NRAP: variants seen among roughly 807,000 people sequenced by gnomAD.
NRAP encodes nebulin related anchoring protein, also known as nebulin-related-anchoring protein.
In NRAP, 189 loss-of-function variants were observed where a neutral mutation model predicts 225.9. The ratio of observed to expected loss-of-function variants is 0.84; its 90% CI spans 0.74 to 0.94. The LOEUF is 0.94. NRAP is among the 40% of genes least tolerant of loss of function. NRAP has a pLI of 0.00. For missense variants in NRAP, 2,176 were observed against 2,168.7 expected, an observed-to-expected ratio of 1.00 and a Z score of -0.07; for synonymous variants, 769 against 790.7, an observed-to-expected ratio of 0.97 and a Z score of 0.46.
At position 113,588,950 on chromosome 10, in the gene NRAP, T is replaced by C; in HGVS notation, c.*25A>G. 1 of 1,566,780 alleles carries C rather than the reference T, an allele frequency of 6.4e-7. No individual in the cohort carries two copies. Among genetic ancestry groups the C allele is most frequent in the East Asian group, 2.3e-5 (1 of 44,318 alleles). ...TGGTGAACAAACTTCCTCTCTGGCCTCTCAGGAATCAGGGTGGACATGGCT... is the reference window on the plus strand; with the variant it reads ...TGGTGAACAAACTTCCTCTCTGGCCCCTCAGGAATCAGGGTGGACATGGCT... On this transcript the variant is annotated 3_prime_UTR_variant, in exon 42 of 42. Transcript: ENST00000359988.
intron 5 of NRAP, 90 bp from the exon 6 acceptor site, chr10:113,653,129 C>A: frequency 1.4e-6 from 1 of 698,096 alleles, no homozygotes; most frequent in Non-Finnish European, 2.4e-6. Flanking sequence ...AAACTAGATT[C>A]ATAAAGTTCT....
Position 113,654,133 on chromosome 10 carries a change from G to C in NRAP, c.361-8C>G, listed in dbSNP as rs1473792799. 1 of 1,551,898 alleles carries C rather than the reference G, an allele frequency of 6.4e-7. No homozygotes were observed. Among genetic ancestry groups the C allele is most frequent in the Admixed American group, 1.7e-5 (1 of 59,914 alleles). The stretch of plus-strand genomic sequence containing the variant: ...TCCAGTCCAATAGGCTCTCTACAAA[G>C]GAAGCACATGAAGGGATACAAACAC... On this transcript the variant is annotated splice_region_variant and splice_polypyrimidine_tract_variant and intron_variant, in intron 4 of 41. Coordinates refer to ENST00000359988, the MANE Select transcript of NRAP (RefSeq NM_198060.4).
intron 14 of NRAP, among the ~76,000 whole-genome samples, chr10:113,637,281 T>A (rs1460670015): frequency 6.6e-6 from 1 of 152,146 alleles, no homozygotes; most frequent in African/African-American, 2.4e-5. Flanking sequence ...TATCCCTACC[T>A]TACAATGTGG....
chr10:113,663,343 A>G lies in NRAP; in HGVS notation c.167+9T>C, dbSNP rs1174447535. The G allele has an allele frequency of 6.4e-7, 1 of 1,565,586 alleles. No homozygotes were observed. The highest frequency in any genetic ancestry group is 8.8e-7 in the Non-Finnish European group (1 of 1,135,822). On this transcript the variant is annotated intron_variant, in intron 2 of 41. Coordinates refer to ENST00000359988, the MANE Select transcript of NRAP (RefSeq NM_198060.4). ...TCAAGAGGTAGTGGTGGGGGCATCA[A>G]ACACTTACGCGTGACAGTACGGCTT... is the stretch of plus-strand genomic sequence containing the variant.
chr10:113,653,315 G>T (rs558533506), intron 5 of NRAP, among the ~76,000 whole-genome samples: 84 of 152,230 alleles, frequency 5.5e-4, no homozygotes, highest in South Asian at 1.2e-3. Flanking sequence ...TGGCTCTAAG[G>T]CCTGTAGGTA....
intron 19 of NRAP, 147 bp downstream of exon 19, chr10:113,629,441 G>T: frequency 1.6e-6 from 1 of 632,848 alleles, no homozygotes. Flanking sequence ...CTCCCCATCT[G>T]CCCTTTCTGG....
chr10:113,628,937 C>A lies in NRAP; in HGVS notation c.2125G>T (p.Ala709Ser), dbSNP rs1426381589. The change falls in exon 20 of 42, where the codon GCT (alanine) becomes TCT (serine). Residue 709 changes from alanine to serine, a missense_variant. By Grantham distance (99) the Ala-to-Ser change is moderately conservative. Around this residue, in one of 3 missense-constraint regions of NRAP, gnomAD observed 1,708 missense variants for 1,695.5 expected, o/e 1.01. Transcript: ENST00000359988. Reference sequence around the variant, plus strand: ...GTTACCTCGCTGACCAGCTGTCCAGCCTTCTTGGCTTGTTCCAAGTTGAGA... The same window carrying A: ...GTTACCTCGCTGACCAGCTGTCCAGACTTCTTGGCTTGTTCCAAGTTGAGA... ...GSLNLEQAKK[A>S]GQLVSEKNYR... is the part of the protein sequence containing the mutation. The A allele has an allele frequency of 1.9e-6, 3 of 1,609,960 alleles. No homozygotes were observed. Among genetic ancestry groups the A allele is most frequent in the African/African-American group, 2.7e-5 (2 of 74,812 alleles).
chr10:113,657,649 A>C, intron 3 of NRAP, 75 bp from the exon 4 acceptor site: 1 of 878,750 alleles, frequency 1.1e-6, no homozygotes, highest in Non-Finnish European at 1.9e-6. Context: ...ATTCCTAGCT[A>C]AAATTGGGGG....
At chr10:113,637,006 C>CAA (rs59937257) in intron 14 of NRAP, among the ~76,000 whole-genome samples, 6 of 89,258 alleles carry the variant, frequency 6.7e-5, no homozygotes, top group African/African-American at 2.6e-4. Flanking sequence ...GACTTCATCT[C>CAA]AAAAAAAAAA....
chr10:113,614,973 G>C (rs369337076), intron 27 of NRAP, 27 bp from the exon 28 acceptor site: 1 of 1,336,624 alleles, frequency 7.5e-7, no homozygotes, highest in Non-Finnish European at 1.1e-6. Flanking sequence ...CACAAGGAAA[G>C]ACCTTTAAGT....
At chr10:113,655,456 T>C (rs116244444) in intron 4 of NRAP, among the ~76,000 whole-genome samples, 25,080 of 150,176 alleles carry the variant, frequency 0.17, 2,558 homozygotes, top group African/African-American at 0.26. Flanking sequence ...ACATCCATTT[T>C]TTTTTTTTTT....
At chr10:113,637,935 A>G (rs917892179) in intron 14 of NRAP, among the ~76,000 whole-genome samples, 3 of 152,194 alleles carry the variant, frequency 2.0e-5, no homozygotes, top group Non-Finnish European at 2.9e-5. Flanking sequence ...AAAAAAAAAA[A>G]AATCATTTTG....
chr10:113,647,389 T>G (rs149340682), intron 9 of NRAP, among the ~76,000 whole-genome samples: 1 of 152,022 alleles, frequency 6.6e-6, no homozygotes, highest in East Asian at 1.9e-4. Context: ...TCTCGAACAC[T>G]ACCTTACTCA....
chr10:113,595,600 C>T, intron 38 of NRAP, 23 bp downstream of exon 38: 1 of 1,471,184 alleles, frequency 6.8e-7, no homozygotes, highest in Non-Finnish European at 9.5e-7. Flanking sequence ...GGCACACGTT[C>T]CATGAACCAC....
At chr10:113,589,219 C>A in intron 41 of NRAP, 140 bp from the exon 42 acceptor site, 1 of 655,122 alleles carries the variant, frequency 1.5e-6, no homozygotes, top group East Asian at 2.8e-5. Flanking sequence ...CTCTTCTACC[C>A]TCCCCAAGAA....
At position 113,604,572 on chromosome 10, in the gene NRAP, C is replaced by A. The variant is rs764521134; in HGVS notation, c.4227+37G>T. The A allele has an allele frequency of 3.2e-6, 5 of 1,581,794 alleles. No homozygotes were observed. The Admixed American group carries it at 8.5e-5, about 27-fold the overall frequency. The stretch of plus-strand genomic sequence containing the variant: ...CCCGGGTTTGGTGAAAGGAGAAAGG[C>A]TGGGGGCTGGTTTGCATTCCACAAG... On this transcript the variant is annotated intron_variant, in intron 35 of 41. Transcript: ENST00000359988.
At chr10:113,590,447 G>C (rs1017278466) in intron 40 of NRAP, 131 bp downstream of exon 40, 2 of 783,388 alleles carry the variant, frequency 2.6e-6, no homozygotes, top group Non-Finnish European at 4.0e-6. Flanking sequence ...TGGCACTAAA[G>C]TGTTAGGTGT....
intron 35 of NRAP, among the ~76,000 whole-genome samples, chr10:113,599,943 T>C (rs751423567): frequency 1.6e-4 from 25 of 152,188 alleles, no homozygotes; most frequent in Non-Finnish European, 2.8e-4. Context: ...TGGAGCACTG[T>C]GTTGCAAATG....
chr10:113,655,193 GA>G (rs1850233591), intron 4 of NRAP, among the ~76,000 whole-genome samples: 1 of 152,202 alleles, frequency 6.6e-6, no homozygotes, highest in East Asian at 1.9e-4. Flanking sequence ...AGAATGTTGG[GA>G]AACAGGCATT....
Sources: allele counts gnomAD v4.1 joint callset (sites outside exome capture counted in the v4.1 genomes callset), GRCh38; gene constraint gnomAD v4.1.1; regional missense constraint gnomAD v4.1.1; transcripts MANE v1.5; gene names NCBI Gene and HGNC (gene_info 2026-07-23, HGNC 2026-07-21).